The following ZNF654 variants were observed in gnomAD, a reference collection of about 807,000 sequenced individuals.
The protein encoded by ZNF654 is melanoma-associated antigen.
Under a neutral mutation model 95.3 loss-of-function variants are expected in ZNF654, and 19 were observed. The observed-to-expected ratio is 0.20, with a 90% CI of 0.14 to 0.29. ZNF654 has a LOEUF of 0.29. ZNF654 is among the 10% of genes least tolerant of loss of function. The pLI is 1.00. For missense variants in ZNF654, 1,046 were observed against 1,341.0 expected, an observed-to-expected ratio of 0.78 and a Z score of 3.44; for synonymous variants, 413 against 457.9, an observed-to-expected ratio of 0.90 and a Z score of 1.25.
intron 3 of ZNF654, among the ~76,000 whole-genome samples, chr3:88,119,922 A>G (rs1386693899): frequency 6.6e-6 from 1 of 152,208 alleles, no homozygotes; most frequent in African/African-American, 2.4e-5. Flanking sequence ...CTTCCTCTTC[A>G]GATAAAACTC....
rs909175087 is a variant in ZNF654 at position 88,141,690 on chromosome 3, G to A, written c.*38G>A. 21 of 1,466,822 alleles carry A rather than the reference G, an allele frequency of 1.4e-5. No homozygotes were observed. The highest frequency in any genetic ancestry group is 1.9e-5 in the Non-Finnish European group (21 of 1,089,014). 90.9% of individuals were successfully genotyped at this position (1,466,822 alleles called of 1,614,324 possible). ...AGAAAGATCTGTCAATCAAGCAGTA[G>A]TGTGAAAAAAGCACTATAAGAAAAT... On this transcript the variant is annotated 3_prime_UTR_variant, in exon 9 of 9. Transcript: ENST00000636215.
At chr3:88,123,831 C>T (rs115312628) in intron 3 of ZNF654, among the ~76,000 whole-genome samples, 15 of 152,214 alleles carry the variant, frequency 9.9e-5, no homozygotes, top group Non-Finnish European at 1.5e-4. Flanking sequence ...TTGATTGGAC[C>T]AAAAGCTAGC....
intron 1 of ZNF654, among the ~76,000 whole-genome samples, chr3:88,059,714 G>C (rs1419830764): frequency 6.6e-6 from 1 of 151,980 alleles, no homozygotes; most frequent in Non-Finnish European, 1.5e-5. Flanking sequence ...TAGGGTTGCT[G>C]AGAAAGTGAG....
intron 3 of ZNF654, among the ~76,000 whole-genome samples, chr3:88,116,726 G>T (rs919452453): frequency 6.6e-6 from 1 of 151,906 alleles, no homozygotes; most frequent in Non-Finnish European, 1.5e-5. Context: ...ATTACCCAGA[G>T]GTAAGAAAGT....
At chr3:88,112,016 G>C (rs900099094) in intron 2 of ZNF654, among the ~76,000 whole-genome samples, 9 of 151,760 alleles carry the variant, frequency 5.9e-5, no homozygotes, top group African/African-American at 2.2e-4. Flanking sequence ...CTAACTTCTA[G>C]AAGCATTTAA....
intron 1 of ZNF654, among the ~76,000 whole-genome samples, chr3:88,077,433 C>T (rs941346952): frequency 1.3e-5 from 2 of 151,632 alleles, no homozygotes; most frequent in African/African-American, 4.9e-5. Flanking sequence ...GCCGGGTTCA[C>T]TCCACTCTCC....
At chr3:88,117,866 G>C (rs1705504322) in intron 3 of ZNF654, among the ~76,000 whole-genome samples, 1 of 151,768 alleles carries the variant, frequency 6.6e-6, no homozygotes, top group Non-Finnish European at 1.5e-5. Context: ...GCAGCATAGA[G>C]AAAGTTGTTA....
intron 2 of ZNF654, among the ~76,000 whole-genome samples, chr3:88,097,097 CT>C (rs1704109166): frequency 6.6e-6 from 1 of 152,058 alleles, no homozygotes; most frequent in Admixed American, 6.6e-5. Context: ...TTGTTTCAAT[CT>C]TTTGCTGTTA....
intron 1 of ZNF654, among the ~76,000 whole-genome samples, chr3:88,059,973 C>T (rs1435568164): frequency 1.3e-5 from 2 of 152,008 alleles, no homozygotes; most frequent in African/African-American, 4.8e-5. Context: ...TTTCCTGTCA[C>T]TGCCACTGTT....
chr3:88,130,464 T>G (rs1201351200), intron 6 of ZNF654, among the ~76,000 whole-genome samples: 5 of 152,074 alleles, frequency 3.3e-5, no homozygotes, highest in Non-Finnish European at 5.9e-5. Context: ...TTGTTTTTGT[T>G]TTTTGGAGAC....
intron 2 of ZNF654, among the ~76,000 whole-genome samples, chr3:88,110,089 G>A (rs1704997531): frequency 6.6e-6 from 1 of 152,086 alleles, no homozygotes; most frequent in African/African-American, 2.4e-5. Flanking sequence ...ATAAATAATG[G>A]TTGTACTATG....
chr3:88,142,716 A>T lies in ZNF654; in HGVS notation c.*1064A>T, dbSNP rs1233437463. On this transcript the variant is annotated 3_prime_UTR_variant, in exon 9 of 9. Transcript: ENST00000636215. Reference sequence around the variant, plus strand: ...AGGTAATTCCAAAATAAGCCATACTATTCCTGTTTTTTTAATTCATTAGTG... The same window carrying T: ...AGGTAATTCCAAAATAAGCCATACTTTTCCTGTTTTTTTAATTCATTAGTG... 3 of 152,274 alleles carry T rather than the reference A, an allele frequency of 2.0e-5. 1 individual carries two copies. The highest frequency in any genetic ancestry group is 4.4e-5 in the Non-Finnish European group (3 of 67,806). The allele number at this position is 152,274 out of a possible 1,614,324, so 9.4% of individuals were successfully genotyped here.
intron 1 of ZNF654, among the ~76,000 whole-genome samples, chr3:88,074,070 A>G (rs933828101): frequency 9.9e-5 from 15 of 152,180 alleles, no homozygotes; most frequent in African/African-American, 3.6e-4. Context: ...ATGTCCACAA[A>G]AATAAGAATC....
At chr3:88,083,534 A>G (rs753730131) in intron 1 of ZNF654, among the ~76,000 whole-genome samples, 1 of 152,046 alleles carries the variant, frequency 6.6e-6, no homozygotes, top group African/African-American at 2.4e-5. Flanking sequence ...GGCCTTGGCT[A>G]TTGCTTCTGT....
Position 88,139,127 on chromosome 3 carries a change from A to G in ZNF654, c.1458A>G (p.Leu486=). The G allele has an allele frequency of 1.6e-6, 2 of 1,284,476 alleles. No homozygotes were observed. The highest frequency in any genetic ancestry group is 2.0e-6 in the Non-Finnish European group (2 of 1,014,672). 79.6% of individuals were successfully genotyped at this position (1,284,476 alleles called of 1,614,324 possible). ...CACTGGAAAATAATGCAGGTAATCT[A>G]AAAAGGACGGAGGAACAGCAAGGTT... ...ESTLENNAGN[L]KRTEEQQGLD... Residue 486 remains leucine (L), a synonymous_variant, in exon 8 of 9, where the codon CTA becomes CTG. Transcript: ENST00000636215.
intron 2 of ZNF654, among the ~76,000 whole-genome samples, chr3:88,102,770 C>CATGCCT (rs1261447571): frequency 6.8e-6 from 1 of 147,816 alleles, no homozygotes; most frequent in African/African-American, 2.5e-5. Context: ...GAAGAAAAGA[C>CATGCCT]ATGCCTCTTT....
At chr3:88,070,594 A>G (rs1707457255) in intron 1 of ZNF654, among the ~76,000 whole-genome samples, 1 of 105,014 alleles carries the variant, frequency 9.5e-6, no homozygotes, top group African/African-American at 4.3e-5. Flanking sequence ...TTTTTTGCAG[A>G]TCATATTGGT....
chr3:88,072,668 TC>T (rs1161166046), intron 1 of ZNF654, among the ~76,000 whole-genome samples: 4 of 152,160 alleles, frequency 2.6e-5, no homozygotes, highest in Non-Finnish European at 5.9e-5. Context: ...GTATTCTTTT[TC>T]CCCCTTACCT....
chr3:88,098,093 T>C (rs1704175246), intron 2 of ZNF654, among the ~76,000 whole-genome samples: 1 of 151,240 alleles, frequency 6.6e-6, no homozygotes, highest in Non-Finnish European at 1.5e-5. Context: ...GCAAGACTAA[T>C]AAAGAAGAAA....
Sources: gnomAD v4.1 joint callset for allele counts (sites outside exome capture counted in the v4.1 genomes callset) on GRCh38, gnomAD v4.1.1 for gene constraint, MANE v1.5 for transcripts, NCBI Gene and HGNC (gene_info 2026-07-23, HGNC 2026-07-21) for gene names.